The following TM2D1 variants were observed in gnomAD, a reference collection of about 807,000 sequenced individuals.
TM2D1 encodes the protein TM2 domain containing 1, also known as TM2 domain-containing protein 1.
Under a neutral mutation model 28.4 loss-of-function variants are expected in TM2D1, and 15 were observed. That is an observed-to-expected ratio of 0.53 (90% CI 0.35 to 0.81). The LOEUF (loss-of-function observed/expected upper bound fraction) is 0.81, where lower values mean the gene tolerates loss of function less well. Among genes scored for constraint, TM2D1 ranks in the 40% least tolerant of loss-of-function variants. TM2D1 has a pLI of 0.01. For synonymous variants in TM2D1, 93 were observed against 96.2 expected, an observed-to-expected ratio of 0.97 and a Z score of 0.20; for missense variants, 236 against 254.9, an observed-to-expected ratio of 0.93 and a Z score of 0.50.
chr1:61,713,496 A>C (rs902675043), intron 2 of TM2D1, among the ~76,000 whole-genome samples: 127 of 136,032 alleles, frequency 9.3e-4, no homozygotes, highest in Non-Finnish European at 1.5e-3. Context: ...AACAAAAAAA[A>C]AAAAAAAAAA....
At chr1:61,723,661 T>C (rs1644583836) in intron 2 of TM2D1, 52 bp downstream of exon 2, 1 of 989,952 alleles carries the variant, frequency 1.0e-6, no homozygotes, top group Non-Finnish European at 1.5e-6. Context: ...CATTGACCTA[T>C]GAAATAATGT....
chr1:61,721,495 T>C (rs1341993303), intron 2 of TM2D1, among the ~76,000 whole-genome samples: 1 of 148,276 alleles, frequency 6.7e-6, no homozygotes, highest in Non-Finnish European at 1.5e-5. Flanking sequence ...TGAGCTGAGA[T>C]TGCGCCACTG....
chr1:61,721,978 A>G (rs867518176), intron 2 of TM2D1, among the ~76,000 whole-genome samples: 1 of 144,714 alleles, frequency 6.9e-6, no homozygotes, highest in Non-Finnish European at 1.5e-5. Context: ...AAAAAAAAAA[A>G]GTCAGGGAGC....
At chr1:61,716,288 C>T (rs1329380413) in intron 2 of TM2D1, among the ~76,000 whole-genome samples, 2 of 150,368 alleles carry the variant, frequency 1.3e-5, no homozygotes, top group Non-Finnish European at 3.0e-5. Context: ...CATTGCACTA[C>T]AGCCTGGGCG....
chr1:61,703,413 A>ATTTT (rs562710565), intron 3 of TM2D1, among the ~76,000 whole-genome samples: 1 of 131,470 alleles, frequency 7.6e-6, no homozygotes, highest in African/African-American at 2.8e-5. Context: ...GTTTCACATA[A>ATTTT]TTTTTTTTTT....
intron 2 of TM2D1, among the ~76,000 whole-genome samples, chr1:61,715,159 C>T (rs930010651): frequency 2.0e-5 from 3 of 151,988 alleles, no homozygotes; most frequent in African/African-American, 7.3e-5. Flanking sequence ...AATAAGTAGA[C>T]AGAAGACATG....
rs139044642 is a variant in TM2D1 at position 61,682,755 on chromosome 1, T to C, written c.*19+662A>G. ...ACTAAAAATACAAGTTACCCGGGCA[T>C]GGTGGTGTGTGCCTGTAGTCCCAGC... On this transcript the variant is annotated intron_variant, in intron 6 of 6. Coordinates refer to ENST00000606498, the MANE Select transcript of TM2D1 (RefSeq NM_032027.3). Among the ~76,000 whole-genome samples the C allele has an allele frequency of 9.8e-3, 1,478 of 151,254 alleles. 24 individuals carry two copies. The highest frequency in any genetic ancestry group is 0.034 in the African/African-American group (1,408 of 41,338).
chr1:61,713,919 C>T (rs1174943532), intron 2 of TM2D1, among the ~76,000 whole-genome samples: 4 of 130,544 alleles, frequency 3.1e-5, no homozygotes, highest in East Asian at 4.4e-4. Flanking sequence ...GACGGAGTCT[C>T]GCTCTGTCGC....
At chr1:61,700,824 C>T (rs1295485189) in intron 4 of TM2D1, 110 bp downstream of exon 4, 3 of 763,928 alleles carry the variant, frequency 3.9e-6, no homozygotes, top group Non-Finnish European at 6.2e-6. Flanking sequence ...TACTCAACTC[C>T]AATTATATAG....
intron 5 of TM2D1, among the ~76,000 whole-genome samples, chr1:61,690,274 T>C (rs969659661): frequency 1.3e-4 from 19 of 151,926 alleles, no homozygotes; most frequent in African/African-American, 4.3e-4. Flanking sequence ...CTGGCCAATA[T>C]GGTGAAACCC....
At chr1:61,706,708 T>C (rs955815584) in intron 3 of TM2D1, among the ~76,000 whole-genome samples, 1 of 150,462 alleles carries the variant, frequency 6.6e-6, no homozygotes, top group Non-Finnish European at 1.5e-5. Flanking sequence ...CTTGGGAGGC[T>C]GAGGCAGGAG....
At chr1:61,683,326 T>C in intron 6 of TM2D1, 91 bp downstream of exon 6, 1 of 435,600 alleles carries the variant, frequency 2.3e-6, no homozygotes, top group Middle Eastern at 6.5e-4. Context: ...TTATACGGTT[T>C]CTTAAAATTT....
intron 6 of TM2D1, among the ~76,000 whole-genome samples, chr1:61,682,562 A>G (rs547171373): frequency 4.3e-4 from 65 of 152,326 alleles, no homozygotes; most frequent in Non-Finnish European, 5.7e-4. Flanking sequence ...TTGAACCAGG[A>G]AAAAGGATGG....
intron 1 of TM2D1, 147 bp downstream of exon 1, chr1:61,724,810 C>T: frequency 1.1e-6 from 1 of 916,598 alleles, no homozygotes; most frequent in Non-Finnish European, 1.5e-6. Flanking sequence ...ACTCTGTTCA[C>T]CTTCAGGGAT....
At chr1:61,711,044 G>C (rs1295015148) in intron 2 of TM2D1, among the ~76,000 whole-genome samples, 2 of 152,200 alleles carry the variant, frequency 1.3e-5, no homozygotes, top group South Asian at 2.1e-4. Flanking sequence ...ATAAAACAAA[G>C]GGCGGTCGGG....
chr1:61,723,780 A>C lies in TM2D1; in HGVS notation c.171T>G (p.Ile57Met). ...KCEDLKVGQY[I>M]CKDPKINDAT... ...CGTCATTTATTTTTGGATCTTTACA[A>C]ATATATGTAAAAAAAAAAGTTAAGG... Residue 57 changes from isoleucine (I) to methionine (M), a missense_variant, in exon 2 of 7, where the codon ATT becomes ATG. Physicochemically the swap from Ile to Met is conservative, Grantham distance 10. Transcript: ENST00000606498. 2 of 1,503,308 alleles carry C rather than the reference A, an allele frequency of 1.3e-6. No homozygotes were observed. Among genetic ancestry groups the C allele is most frequent in the South Asian group, 2.5e-5 (2 of 80,382 alleles). The allele number at this position is 1,503,308 out of a possible 1,614,324, so 93.1% of individuals were successfully genotyped here.
chr1:61,711,338 A>G (rs908010681), intron 2 of TM2D1, among the ~76,000 whole-genome samples: 12 of 151,790 alleles, frequency 7.9e-5, no homozygotes, highest in Non-Finnish European at 1.8e-4. Flanking sequence ...TCAAAAAAAA[A>G]AAAAAGAAAA....
chr1:61,722,429 C>G (rs555943834), intron 2 of TM2D1, among the ~76,000 whole-genome samples: 1 of 152,122 alleles, frequency 6.6e-6, no homozygotes, highest in Non-Finnish European at 1.5e-5. Context: ...AGTGCAATGG[C>G]GCGATCTCGG....
intron 6 of TM2D1, among the ~76,000 whole-genome samples, chr1:61,682,187 T>C (rs1644249346): frequency 6.6e-6 from 1 of 152,184 alleles, no homozygotes; most frequent in South Asian, 2.1e-4. Context: ...AAAACAAATG[T>C]CTATTCTCTT....
Sources: allele counts gnomAD v4.1 joint callset (sites outside exome capture counted in the v4.1 genomes callset), GRCh38; gene constraint gnomAD v4.1.1; transcripts MANE v1.5; gene names NCBI Gene and HGNC (gene_info 2026-07-23, HGNC 2026-07-21).